Variants in ADCK1 observed in about 807,000 individuals in gnomAD.
ADCK1 encodes the protein aarF domain containing kinase 1.
ADCK1 carries 41 observed loss-of-function variants against 52.3 expected under a neutral mutation model. That is an observed-to-expected ratio of 0.78 (90% CI 0.61 to 1.02). The LOEUF is 1.02. ADCK1 is among the 50% of genes least tolerant of loss of function. The pLI is 0.00. For synonymous variants in ADCK1, 250 were observed against 274.6 expected (o/e 0.91, Z 0.89); for missense variants, 658 against 679.5 (o/e 0.97, Z 0.35).
In ADCK1 at chr14:77,805,246, T is replaced by C. The variant is rs532293599; in HGVS notation, c.-12+5076T>C. On this transcript the variant is annotated intron_variant, in intron 1 of 10. Coordinates refer to ENST00000238561, the MANE Select transcript of ADCK1 (RefSeq NM_020421.4). Reference sequence around the variant, plus strand: ...AAAAAAAAAGAGTCATTTTTGGCTTTGCATTCTTTTTTTTTTTTTTTTTTT... The same window carrying C: ...AAAAAAAAAGAGTCATTTTTGGCTTCGCATTCTTTTTTTTTTTTTTTTTTT... Among the ~76,000 whole-genome samples, 43 of 142,706 alleles carry C rather than the reference T, an allele frequency of 3.0e-4. 1 individual carries two copies. The South Asian group carries it at 9.4e-3, about 31-fold the overall frequency. The allele number at this position is 142,706 out of a possible 152,430, so 93.6% of individuals were successfully genotyped here.
intron 9 of ADCK1, among the ~76,000 whole-genome samples, chr14:77,929,230 C>T (rs1055661073): frequency 3.9e-5 from 6 of 152,176 alleles, no homozygotes; most frequent in African/African-American, 1.2e-4. Flanking sequence ...CCCAACTAAC[C>T]GTGGCTTAAA....
Position 77,931,522 on chromosome 14 carries a change from T to TA in ADCK1, c.1212dup (p.Glu405ArgfsTer38), listed in dbSNP as rs1566745771. 3 of 1,613,026 alleles carry TA rather than the reference T, an allele frequency of 1.9e-6. No homozygotes were observed. Among genetic ancestry groups the TA allele is most frequent in the South Asian group, 1.1e-5 (1 of 91,044 alleles). ...GTTGCCCCATTGCTGCTTCAGGACT[T>TA]AGAGATTCGCAACAACGCGGCCAAC... On this transcript the variant is annotated frameshift_variant, in exon 10 of 11. Coordinates refer to ENST00000238561, the MANE Select transcript of ADCK1 (RefSeq NM_020421.4). LOFTEE classifies it high-confidence loss of function.
At chr14:77,918,152 G>A (rs2083969715) in intron 7 of ADCK1, among the ~76,000 whole-genome samples, 2 of 152,124 alleles carry the variant, frequency 1.3e-5, no homozygotes, top group South Asian at 4.2e-4. Context: ...ACTTCAGTAG[G>A]GATGGCACCA....
At chr14:77,855,968 C>T (rs2082408645) in intron 3 of ADCK1, among the ~76,000 whole-genome samples, 1 of 152,122 alleles carries the variant, frequency 6.6e-6, no homozygotes, top group African/African-American at 2.4e-5. Context: ...TTTGGGATTA[C>T]ACCCGCCAAG....
chr14:77,814,438 A>C (rs12892599), intron 1 of ADCK1, among the ~76,000 whole-genome samples: 4 of 147,100 alleles, frequency 2.7e-5, no homozygotes, highest in African/African-American at 1.0e-4. Flanking sequence ...AAAAAAAAAC[A>C]AAAAACAAAA....
intron 6 of ADCK1, chr14:77,902,875 A>G (rs1369345311): frequency 6.6e-6 from 1 of 152,256 alleles, no homozygotes; most frequent in Non-Finnish European, 1.5e-5. Flanking sequence ...GCATCAGCCC[A>G]TATTGCAGAG....
intron 4 of ADCK1, among the ~76,000 whole-genome samples, chr14:77,862,145 T>C (rs1361299911): frequency 6.6e-6 from 1 of 152,202 alleles, no homozygotes; most frequent in Admixed American, 6.5e-5. Flanking sequence ...ATCTTGGAAG[T>C]TTCTCAGCTA....
At position 77,923,210 on chromosome 14, in the gene ADCK1, GC is replaced by G. The variant is rs955664363; in HGVS notation, c.859-1245del. On this transcript the variant is annotated intron_variant, in intron 7 of 10. Transcript: ENST00000238561. This position sits in a 1 kb window ranked among gnomAD's most constrained non-coding sequence, Gnocchi z 4.3. The stretch of plus-strand genomic sequence containing the variant: ...ACGTATGGCAAGGGAACCTCATTTT[GC>G]CTGGGAGGCCAGGGAGGGCTTCTTC... 6 of 152,282 alleles carry G rather than the reference GC, an allele frequency of 3.9e-5. No homozygotes were observed. The highest frequency in any genetic ancestry group is 8.8e-5 in the Non-Finnish European group (6 of 68,070). 9.4% of individuals were successfully genotyped at this position (152,282 alleles called of 1,614,324 possible).
intron 9 of ADCK1, among the ~76,000 whole-genome samples, chr14:77,928,525 A>C: frequency 6.6e-6 from 1 of 151,484 alleles, no homozygotes; most frequent in Non-Finnish European, 1.5e-5. Context: ...GCAGTGGCAC[A>C]ATCTTGGCTC....
intron 4 of ADCK1, among the ~76,000 whole-genome samples, chr14:77,862,970 A>G (rs912158836): frequency 6.6e-6 from 1 of 152,146 alleles, no homozygotes; most frequent in Non-Finnish European, 1.5e-5. Context: ...GAGGAGGTGG[A>G]TGTTGGAGGA....
In ADCK1 at chr14:77,867,428, T is replaced by C. The variant is rs146116151; in HGVS notation, c.423+8149T>C. ...ATCCTGCCTTCCCAGCAGCTCTCAA[T>C]AAAAAATACATTTGTATTAAAAACA... On this transcript the variant is annotated intron_variant, in intron 4 of 10. Coordinates refer to ENST00000238561, the MANE Select transcript of ADCK1 (RefSeq NM_020421.4). Among the ~76,000 whole-genome samples, 15 of 152,058 alleles carry C rather than the reference T, an allele frequency of 9.9e-5. No homozygotes were observed. In the East Asian group the frequency reaches 2.5e-3, roughly 25 times the overall value.
intron 3 of ADCK1, among the ~76,000 whole-genome samples, chr14:77,858,416 A>G (rs1197545013): frequency 6.6e-6 from 1 of 150,838 alleles, no homozygotes; most frequent in Non-Finnish European, 1.5e-5. Flanking sequence ...TTTTTTTTGT[A>G]TTTTTAGTAG....
Position 77,924,580 on chromosome 14 carries a change from G to C in ADCK1, c.982G>C (p.Val328Leu). The C allele has an allele frequency of 1.2e-6, 2 of 1,613,658 alleles. No homozygotes were observed. The highest frequency in any genetic ancestry group is 1.7e-6 in the Non-Finnish European group (2 of 1,180,032). Residue 328 changes from valine (V) to leucine (L), a missense_variant, in exon 8 of 11, where the codon GTC becomes CTC. Transcript: ENST00000238561. ...CCCCGGCACGGGAAAGGCGGAGATTGTCCTGTTGGACCATGGGCTTTACCA... is the reference window on the plus strand; with the variant it reads ...CCCCGGCACGGGAAAGGCGGAGATTCTCCTGTTGGACCATGGGCTTTACCA... ...KHPGTGKAEI[V>L]LLDHGLYQML...
intron 3 of ADCK1, among the ~76,000 whole-genome samples, chr14:77,844,985 C>G (rs899494488): frequency 6.6e-6 from 1 of 152,146 alleles, no homozygotes; most frequent in Non-Finnish European, 1.5e-5. Context: ...AGAGGAGAGG[C>G]GCATATGCAC....
At chr14:77,814,695 C>CA (rs995163952) in intron 1 of ADCK1, among the ~76,000 whole-genome samples, 6,591 of 35,328 alleles carry the variant, frequency 0.19, 543 homozygotes, top group Non-Finnish European at 0.21. Flanking sequence ...AAGACACTCT[C>CA]AAAAAAAAAA....
At chr14:77,817,913 T>TG (rs2081494962) in intron 1 of ADCK1, among the ~76,000 whole-genome samples, 2 of 151,082 alleles carry the variant, frequency 1.3e-5, no homozygotes, top group Admixed American at 1.3e-4. Context: ...TTTTTTGTTT[T>TG]TTTTTTAGTA....
At chr14:77,908,801 C>T (rs1440461262) in intron 7 of ADCK1, among the ~76,000 whole-genome samples, 1 of 152,182 alleles carries the variant, frequency 6.6e-6, no homozygotes, top group Non-Finnish European at 1.5e-5. Flanking sequence ...CATCTAAATC[C>T]TTGCTGTATC....
intron 2 of ADCK1, among the ~76,000 whole-genome samples, chr14:77,819,882 C>T (rs959429184): frequency 2.6e-5 from 4 of 152,178 alleles, no homozygotes; most frequent in Non-Finnish European, 4.4e-5. Context: ...GTTGTCATCT[C>T]ACCATCTCCC....
intron 3 of ADCK1, among the ~76,000 whole-genome samples, chr14:77,842,594 T>A (rs2082097900): frequency 6.6e-6 from 1 of 151,340 alleles, no homozygotes; most frequent in African/African-American, 2.4e-5. Flanking sequence ...AGTCTCACTC[T>A]GTCACCCAGG....
Sources: allele counts gnomAD v4.1 joint callset (sites outside exome capture counted in the v4.1 genomes callset), GRCh38; gene constraint gnomAD v4.1.1; non-coding constraint Gnocchi (gnomAD v3.1); transcripts MANE v1.5; gene names NCBI Gene and HGNC (gene_info 2026-07-23, HGNC 2026-07-21).